POU6F2: variants seen among roughly 807,000 people sequenced by gnomAD.
The protein encoded by POU6F2 is POU class 6 homeobox 2.
In POU6F2, 31 loss-of-function variants were observed where a neutral mutation model predicts 71.3. That is an observed-to-expected ratio of 0.43 (90% CI 0.33 to 0.59). POU6F2 has a LOEUF of 0.59. POU6F2 is among the 20% of genes least tolerant of loss of function. The pLI is 0.04. For missense variants in POU6F2, 783 were observed against 856.8 expected, an observed-to-expected ratio of 0.91 and a Z score of 1.07; for synonymous variants, 347 against 355.7, an observed-to-expected ratio of 0.98 and a Z score of 0.27.
intron 2 of POU6F2, among the ~76,000 whole-genome samples, chr7:39,183,486 A>G (rs1055050401): frequency 3.3e-5 from 5 of 152,246 alleles, no homozygotes; most frequent in East Asian, 3.9e-4. Context: ...TTTTATAAAC[A>G]ACAAGATCTC....
At chr7:39,022,793 C>G (rs1330085742) in intron 1 of POU6F2, among the ~76,000 whole-genome samples, 1 of 151,938 alleles carries the variant, frequency 6.6e-6, no homozygotes, top group African/African-American at 2.4e-5. Context: ...CAGTTCTGAG[C>G]TATTATGAAT....
At chr7:39,030,732 G>A (rs1428402297) in intron 1 of POU6F2, among the ~76,000 whole-genome samples, 2 of 150,660 alleles carry the variant, frequency 1.3e-5, no homozygotes, top group Non-Finnish European at 3.0e-5. Context: ...TGTGACTGCT[G>A]GATCATATGA....
At chr7:39,244,493 A>C (rs1239068771) in intron 4 of POU6F2, among the ~76,000 whole-genome samples, 1 of 152,210 alleles carries the variant, frequency 6.6e-6, no homozygotes, top group Non-Finnish European at 1.5e-5. Flanking sequence ...GTGGGGATTA[A>C]ATACATCAAT....
chr7:39,191,573 T>C (rs1327032800), intron 2 of POU6F2, among the ~76,000 whole-genome samples: 1 of 152,134 alleles, frequency 6.6e-6, no homozygotes. Context: ...ATATAACAAA[T>C]GGAAATTGCT....
At chr7:38,999,629 C>T (rs1788841121) in intron 1 of POU6F2, among the ~76,000 whole-genome samples, 2 of 152,170 alleles carry the variant, frequency 1.3e-5, no homozygotes, top group South Asian at 2.1e-4. Flanking sequence ...GACAACTGTA[C>T]AATCTTTCCA....
intron 2 of POU6F2, among the ~76,000 whole-genome samples, chr7:39,092,032 G>C (rs1791371181): frequency 6.6e-6 from 1 of 152,184 alleles, no homozygotes; most frequent in Admixed American, 6.5e-5. Flanking sequence ...GATTATTCAG[G>C]CCTTCCCTGG....
intron 8 of POU6F2, among the ~76,000 whole-genome samples, chr7:39,458,385 C>CTT (rs983877426): frequency 1.1e-4 from 8 of 71,630 alleles, no homozygotes; most frequent in African/African-American, 2.2e-4. Context: ...TTAGCAAGTG[C>CTT]TTTTTTTTTT....
intron 4 of POU6F2, among the ~76,000 whole-genome samples, chr7:39,324,253 A>C (rs996606521): frequency 3.3e-5 from 5 of 152,212 alleles, no homozygotes; most frequent in Non-Finnish European, 7.3e-5. Context: ...GGAGGTCACT[A>C]ATGTAGTTCC....
chr7:39,410,479 A>G (rs948562096), intron 6 of POU6F2, among the ~76,000 whole-genome samples: 10 of 152,176 alleles, frequency 6.6e-5, no homozygotes, highest in African/African-American at 2.2e-4. Flanking sequence ...AAAACATCCT[A>G]GTTCTCTTTG....
At chr7:39,235,697 A>G (rs1204948652) in intron 4 of POU6F2, among the ~76,000 whole-genome samples, 1 of 152,184 alleles carries the variant, frequency 6.6e-6, no homozygotes, top group Non-Finnish European at 1.5e-5. Flanking sequence ...GGCGTATTGT[A>G]ATTTATACCT....
chr7:39,397,814 G>GTATATATGTGTATATATATATATA (rs1787206988), intron 5 of POU6F2, among the ~76,000 whole-genome samples: 1 of 128,448 alleles, frequency 7.8e-6, no homozygotes, highest in Non-Finnish European at 1.6e-5. Flanking sequence ...TATATTTTGT[G>GTATATATGTGTATATATATATATA]TATATATATA....
intron 2 of POU6F2, among the ~76,000 whole-genome samples, chr7:39,201,214 G>A (rs891348525): frequency 6.6e-6 from 1 of 152,182 alleles, no homozygotes; most frequent in African/African-American, 2.4e-5. Flanking sequence ...GATGCATGAA[G>A]TTGGAAAACA....
chr7:39,220,863 A>G (rs1223506652), intron 4 of POU6F2, among the ~76,000 whole-genome samples: 1 of 152,092 alleles, frequency 6.6e-6, no homozygotes, highest in African/African-American at 2.4e-5. Flanking sequence ...AAAATCCAAT[A>G]TGGTAGCCAT....
At chr7:39,281,279 C>T (rs1784558409) in intron 4 of POU6F2, among the ~76,000 whole-genome samples, 1 of 152,132 alleles carries the variant, frequency 6.6e-6, no homozygotes, top group African/African-American at 2.4e-5. Flanking sequence ...TCGCCTCATA[C>T]ATTTATCATT....
chr7:39,063,684 A>G (rs1165591272), intron 1 of POU6F2, among the ~76,000 whole-genome samples: 2 of 152,168 alleles, frequency 1.3e-5, no homozygotes, highest in African/African-American at 4.8e-5. Flanking sequence ...TTCTAAGAAA[A>G]TCAATGAAAA....
chr7:39,072,829 G>A (rs960692302), intron 1 of POU6F2, among the ~76,000 whole-genome samples: 3 of 152,168 alleles, frequency 2.0e-5, no homozygotes, highest in Non-Finnish European at 4.4e-5. Context: ...TTATTTATTA[G>A]CAACCATGAT....
chr7:39,059,186 A>G (rs1790599821), intron 1 of POU6F2, among the ~76,000 whole-genome samples: 1 of 152,170 alleles, frequency 6.6e-6, no homozygotes, highest in Non-Finnish European at 1.5e-5. Context: ...TCACGTGTTC[A>G]TGTAGGAACT....
rs78187444 is a variant in POU6F2 at position 39,369,080 on chromosome 7, G to C, written c.972+29065G>C. 1.1e-3 allele frequency among the ~76,000 whole-genome samples: 167 copies of C among 152,328 alleles called. 5 individuals are homozygous for C. In the East Asian group the frequency reaches 0.029, roughly 27 times the overall value. On this transcript the variant is annotated intron_variant, in intron 5 of 9. Coordinates refer to ENST00000518318, the MANE Select transcript of POU6F2 (RefSeq NM_001370959.1). ...TGTTTCTCAAGGATAAGTGAAGAAA[G>C]TGGTTCCTTGAGATGGAATCTACTC...
At chr7:39,192,141 G>C (rs980886805) in intron 2 of POU6F2, among the ~76,000 whole-genome samples, 1 of 152,200 alleles carries the variant, frequency 6.6e-6, no homozygotes, top group African/African-American at 2.4e-5. Flanking sequence ...ATTACCATAA[G>C]GGTTTGCTAA....
Sources: gnomAD v4.1 joint callset for allele counts (sites outside exome capture counted in the v4.1 genomes callset) on GRCh38, gnomAD v4.1.1 for gene constraint, MANE v1.5 for transcripts, NCBI Gene and HGNC (gene_info 2026-07-23, HGNC 2026-07-21) for gene names.